Variants in POFUT3 observed in about 807,000 individuals in gnomAD.
POFUT3 encodes the protein protein O-fucosyltransferase 3.
At chr8:33,431,098 A>T in the POFUT3 span, among the ~76,000 whole-genome samples, 4 of 152,104 alleles carry the variant, frequency 2.6e-5, no homozygotes, top group African/African-American at 9.7e-5. Flanking sequence ...TTTCAAAGTC[A>T]TCCCTCCTGG....
the POFUT3 span, among the ~76,000 whole-genome samples, chr8:33,345,954 T>C: frequency 6.6e-6 from 1 of 151,666 alleles, no homozygotes; most frequent in African/African-American, 2.4e-5. Context: ...GCCTCCCAAG[T>C]AGCTGGGATT....
the POFUT3 span, among the ~76,000 whole-genome samples, chr8:33,394,064 A>C: frequency 6.6e-6 from 1 of 152,094 alleles, no homozygotes; most frequent in Admixed American, 6.6e-5. Context: ...GCACACCTAT[A>C]GTCCCAGATA....
At chr8:33,316,572 A>AAAGAAAG in the POFUT3 span, among the ~76,000 whole-genome samples, 1 of 130,598 alleles carries the variant, frequency 7.7e-6, no homozygotes, top group African/African-American at 3.0e-5. Context: ...ACTACAAAAA[A>AAAGAAAG]AAAGAAAGAA....
chr8:33,428,434 C>T, the POFUT3 span, among the ~76,000 whole-genome samples: 1 of 152,188 alleles, frequency 6.6e-6, no homozygotes, highest in Non-Finnish European at 1.5e-5. Context: ...TTATCAATGT[C>T]AAAATTGAGT....
the POFUT3 span, among the ~76,000 whole-genome samples, chr8:33,351,160 G>A: frequency 2.6e-5 from 4 of 152,050 alleles, no homozygotes; most frequent in African/African-American, 9.7e-5. Flanking sequence ...TCACCATGTT[G>A]GCCAGGCTGG....
the POFUT3 span, among the ~76,000 whole-genome samples, chr8:33,351,432 G>A: frequency 6.6e-6 from 1 of 152,228 alleles, no homozygotes; most frequent in East Asian, 1.9e-4. Context: ...TCCTGGTGAT[G>A]GGGAGTCGGC....
the POFUT3 span, among the ~76,000 whole-genome samples, chr8:33,420,814 C>CA: frequency 9.2e-4 from 132 of 144,186 alleles, no homozygotes; most frequent in Admixed American, 6.4e-3. Flanking sequence ...ATTCCCAATA[C>CA]AAAAAAAAAA....
chr8:33,328,838 C>T, the POFUT3 span, among the ~76,000 whole-genome samples: 22 of 152,270 alleles, frequency 1.4e-4, no homozygotes, highest in Non-Finnish European at 2.2e-4. Flanking sequence ...GGCAGAGCAG[C>T]ACCCACAAAG....
At chr8:33,316,847 A>G in the POFUT3 span, among the ~76,000 whole-genome samples, 118 of 152,174 alleles carry the variant, frequency 7.8e-4, no homozygotes, top group African/African-American at 2.6e-3. Flanking sequence ...TTCTCTTCCC[A>G]TATTTCTCAC....
At chr8:33,380,666 G>A in the POFUT3 span, among the ~76,000 whole-genome samples, 2 of 151,298 alleles carry the variant, frequency 1.3e-5, no homozygotes, top group Non-Finnish European at 2.9e-5. Context: ...GCAAGACCCT[G>A]TCTCTACAAA....
the POFUT3 span, chr8:33,377,665 C>T: frequency 6.6e-6 from 1 of 152,240 alleles, no homozygotes; most frequent in East Asian, 1.9e-4. Context: ...CAGTATGACC[C>T]AAAGGAAGTG....
the POFUT3 span, among the ~76,000 whole-genome samples, chr8:33,350,019 T>G: frequency 1.3e-5 from 2 of 152,214 alleles, no homozygotes; most frequent in African/African-American, 2.4e-5. Flanking sequence ...TCATTATAGC[T>G]TTAATTTGCA....
At chr8:33,333,461 A>C in the POFUT3 span, among the ~76,000 whole-genome samples, 5 of 152,170 alleles carry the variant, frequency 3.3e-5, no homozygotes, top group African/African-American at 4.8e-5. Context: ...TCCCAAACAC[A>C]ATAAACACTG....
At chr8:33,349,397 G>T in the POFUT3 span, among the ~76,000 whole-genome samples, 1 of 152,132 alleles carries the variant, frequency 6.6e-6, no homozygotes, top group South Asian at 2.1e-4. Context: ...ACCAGCGTAC[G>T]CTGTACCCAG....
chr8:33,417,749 T>C, the POFUT3 span, among the ~76,000 whole-genome samples: 2 of 151,654 alleles, frequency 1.3e-5, no homozygotes, highest in Non-Finnish European at 2.9e-5. Context: ...AAGTAGATAA[T>C]CACACTTCAA....
At chr8:33,357,596 CTCT>C in the POFUT3 span, among the ~76,000 whole-genome samples, 6 of 150,998 alleles carry the variant, frequency 4.0e-5, no homozygotes. Flanking sequence ...CTGTATATAC[CTCT>C]TAAGTTTTCT....
chr8:33,335,754 A>G, the POFUT3 span, among the ~76,000 whole-genome samples: 1 of 152,214 alleles, frequency 6.6e-6, no homozygotes, highest in Non-Finnish European at 1.5e-5. Context: ...TCTTATAGAA[A>G]AGTCAGCTAG....
chr8:33,343,458 A>G, the POFUT3 span, among the ~76,000 whole-genome samples: 1 of 152,358 alleles, frequency 6.6e-6, no homozygotes, highest in African/African-American at 2.4e-5. Flanking sequence ...CAAGCTTAAT[A>G]TTGGCCAATC....
the POFUT3 span, among the ~76,000 whole-genome samples, chr8:33,471,453 T>C: frequency 7.2e-5 from 11 of 152,222 alleles, no homozygotes; most frequent in East Asian, 2.1e-3. Flanking sequence ...GGTTTCACCA[T>C]ATTGGCCAGG....
Sources: allele counts gnomAD v4.1 joint callset (sites outside exome capture counted in the v4.1 genomes callset), GRCh38; gene constraint gnomAD v4.1.1; transcripts MANE v1.5; gene names NCBI Gene and HGNC (gene_info 2026-07-23, HGNC 2026-07-21).